Variants in FMN2 observed in about 807,000 individuals in gnomAD.
FMN2 encodes the protein formin 2.
In FMN2, 51 loss-of-function variants were observed where a neutral mutation model predicts 142.3. The observed-to-expected ratio is 0.36, with a 90% CI of 0.29 to 0.45. FMN2 has a LOEUF of 0.45. Among genes scored for constraint, FMN2 ranks in the 20% least tolerant of loss-of-function variants. FMN2 has a pLI of 1.00. For missense variants in FMN2, 1,936 were observed against 2,122.8 expected (o/e 0.91, Z 1.73); for synonymous variants, 882 against 869.8 (o/e 1.01, Z -0.25).
chr1:240,322,951 A>G (rs1671024381), intron 8 of FMN2, among the ~76,000 whole-genome samples: 1 of 152,060 alleles, frequency 6.6e-6, no homozygotes, highest in Admixed American at 6.6e-5. Context: ...AGTTCATTTC[A>G]TAATAACTTG....
intron 6 of FMN2, among the ~76,000 whole-genome samples, chr1:240,217,418 A>G (rs1666947259): frequency 6.6e-6 from 1 of 152,228 alleles, no homozygotes; most frequent in Non-Finnish European, 1.5e-5. Flanking sequence ...TCTTTTGACC[A>G]AAGACATAAA....
intron 13 of FMN2, among the ~76,000 whole-genome samples, chr1:240,339,902 C>T (rs1671691478): frequency 6.6e-6 from 1 of 151,890 alleles, no homozygotes; most frequent in Admixed American, 6.6e-5. Flanking sequence ...TTTTAAATAT[C>T]TCTTCCTAAC....
At chr1:240,247,094 T>C (rs1668108566) in intron 6 of FMN2, among the ~76,000 whole-genome samples, 1 of 152,254 alleles carries the variant, frequency 6.6e-6, no homozygotes, top group South Asian at 2.1e-4. Flanking sequence ...TTTAGACATC[T>C]GTCCTCTTCT....
At chr1:240,375,111 G>A (rs1416229806) in intron 14 of FMN2, among the ~76,000 whole-genome samples, 1 of 152,136 alleles carries the variant, frequency 6.6e-6, no homozygotes, top group Non-Finnish European at 1.5e-5. Context: ...GGAGAAGTGA[G>A]AACACGAACA....
Position 240,226,549 on chromosome 1 carries a change from C to T in FMN2, c.4065+15314C>T, listed in dbSNP as rs144086748. 3.9e-3 allele frequency among the ~76,000 whole-genome samples: 597 copies of T among 152,108 alleles called. 1 individual carries two copies. Among genetic ancestry groups the T allele is most frequent in the Non-Finnish European group, 6.5e-3 (443 of 67,974 alleles). ...AACAGTAAAGAAAGTTCAAGTTGAA[C>T]GAAAATGATATGGTAATTTGAGATC... On this transcript the variant is annotated intron_variant, in intron 6 of 17. Coordinates refer to ENST00000319653, the MANE Select transcript of FMN2 (RefSeq NM_020066.5).
chr1:240,414,249 A>G (rs1321921727), intron 15 of FMN2, among the ~76,000 whole-genome samples: 1 of 152,196 alleles, frequency 6.6e-6, no homozygotes, highest in Non-Finnish European at 1.5e-5. Context: ...GAGGGGCTGC[A>G]GGGCTTTGGA....
In FMN2 at chr1:240,353,280, G is replaced by C. The variant is rs571863461; in HGVS notation, c.4766-2536G>C. 2.2e-4 allele frequency among the ~76,000 whole-genome samples: 33 copies of C among 152,300 alleles called. No individual in the cohort carries two copies. In the South Asian group the frequency reaches 6.2e-3, roughly 29 times the overall value. ...CAGTTTCAGGCATTTTACACTCATAGTGGCTGATCATCACACTAACGTTAG... is the reference window on the plus strand; with the variant it reads ...CAGTTTCAGGCATTTTACACTCATACTGGCTGATCATCACACTAACGTTAG... On this transcript the variant is annotated intron_variant, in intron 13 of 17. Transcript: ENST00000319653.
At chr1:240,282,682 G>A (rs1353450445) in intron 7 of FMN2, among the ~76,000 whole-genome samples, 1 of 152,208 alleles carries the variant, frequency 6.6e-6, no homozygotes, top group Non-Finnish European at 1.5e-5. Context: ...AGGTTTCCAG[G>A]TGCCCAAGCA....
intron 15 of FMN2, among the ~76,000 whole-genome samples, chr1:240,395,466 G>A (rs866742408): frequency 1.4e-4 from 21 of 152,180 alleles, no homozygotes; most frequent in African/African-American, 5.1e-4. Context: ...TCTGGGTGAA[G>A]TAAATTGAAA....
intron 7 of FMN2, among the ~76,000 whole-genome samples, chr1:240,260,401 C>T (rs1668586203): frequency 6.6e-6 from 1 of 152,130 alleles, no homozygotes; most frequent in Non-Finnish European, 1.5e-5. Flanking sequence ...TCACTGCATC[C>T]ATGCCAACAT....
intron 7 of FMN2, among the ~76,000 whole-genome samples, chr1:240,284,769 A>G (rs918118108): frequency 6.6e-6 from 1 of 152,104 alleles, no homozygotes; most frequent in African/African-American, 2.4e-5. Context: ...CGTAAAAACT[A>G]ATAGGCAATG....
intron 14 of FMN2, among the ~76,000 whole-genome samples, chr1:240,368,650 A>G (rs922030903): frequency 5.9e-5 from 9 of 151,884 alleles, no homozygotes; most frequent in Admixed American, 1.3e-4. Flanking sequence ...TTTATTTGCT[A>G]TGTAGTTTCT....
At chr1:240,148,977 AAAAT>A (rs1553332906) in intron 2 of FMN2, among the ~76,000 whole-genome samples, 4,921 of 150,144 alleles carry the variant, frequency 0.033, 120 homozygotes, top group Non-Finnish European at 0.05. Flanking sequence ...GTCTCAAAAA[AAAAT>A]AAATAAATAA....
intron 2 of FMN2, among the ~76,000 whole-genome samples, chr1:240,146,602 G>C (rs1663492404): frequency 6.6e-6 from 1 of 152,000 alleles, no homozygotes; most frequent in African/African-American, 2.4e-5. Context: ...TACTTGAGAG[G>C]CTGAGATGGG....
chr1:240,179,437 T>C (rs1665060028), intron 3 of FMN2: 1 of 152,170 alleles, frequency 6.6e-6, no homozygotes, highest in Non-Finnish European at 1.5e-5. Context: ...CCAGTGCTTT[T>C]GAAACACTGT....
At chr1:240,361,177 AT>A in intron 14 of FMN2, among the ~76,000 whole-genome samples, 1 of 108,466 alleles carries the variant, frequency 9.2e-6, no homozygotes, top group South Asian at 2.5e-4. Flanking sequence ...ATATATATAT[AT>A]ATATATAAAA....
At chr1:240,418,588 TAATTA>T (rs778884466) in intron 15 of FMN2, among the ~76,000 whole-genome samples, 12 of 152,206 alleles carry the variant, frequency 7.9e-5, no homozygotes, top group Admixed American at 2.0e-4. Flanking sequence ...ATTTCTTTCT[TAATTA>T]CATAAAGGTT....
intron 6 of FMN2, among the ~76,000 whole-genome samples, chr1:240,234,318 G>A (rs1667625757): frequency 6.6e-6 from 1 of 152,084 alleles, no homozygotes; most frequent in Non-Finnish European, 1.5e-5. Context: ...GAAAAGAGGA[G>A]AAAAAGGTGA....
At chr1:240,178,107 G>A in intron 3 of FMN2, 39 bp downstream of exon 3, 6 of 1,493,448 alleles carry the variant, frequency 4.0e-6, no homozygotes, top group Non-Finnish European at 5.3e-6. Flanking sequence ...ACTGGAAGAG[G>A]CAAGATAGAG....
Sources: gnomAD v4.1 joint callset for allele counts (sites outside exome capture counted in the v4.1 genomes callset) on GRCh38, gnomAD v4.1.1 for gene constraint, MANE v1.5 for transcripts, NCBI Gene and HGNC (gene_info 2026-07-23, HGNC 2026-07-21) for gene names.